Variants in HYCC2 observed in about 807,000 individuals in gnomAD.
The protein encoded by HYCC2 is hyccin PI4KA lipid kinase complex subunit 2.
chr2:200,981,938 C>T, the HYCC2 span: 1 of 1,510,128 alleles, frequency 6.6e-7, no homozygotes, highest in South Asian at 1.3e-5. The surrounding 1 kb of genome is among the most constrained non-coding windows in gnomAD (Gnocchi z 4.5). Flanking sequence ...TGAATAACAA[C>T]ACTGACCTTA....
chr2:200,998,724 G>T, the HYCC2 span, among the ~76,000 whole-genome samples: 3 of 152,284 alleles, frequency 2.0e-5, no homozygotes, highest in East Asian at 5.8e-4. Flanking sequence ...ACACTTCTAT[G>T]TCTTAACCCA....
chr2:201,012,461 AAAAC>A, the HYCC2 span, among the ~76,000 whole-genome samples: 15 of 152,130 alleles, frequency 9.9e-5, no homozygotes, highest in South Asian at 2.1e-4. Flanking sequence ...CCCTGTCTCA[AAAAC>A]AAACAAACAA....
At chr2:201,043,628 C>A in the HYCC2 span, among the ~76,000 whole-genome samples, 1 of 151,462 alleles carries the variant, frequency 6.6e-6, no homozygotes, top group Non-Finnish European at 1.5e-5. Flanking sequence ...CCTGCCTCAG[C>A]CTCCCGAGTA....
At chr2:201,032,949 G>A in the HYCC2 span, among the ~76,000 whole-genome samples, 2 of 151,656 alleles carry the variant, frequency 1.3e-5, no homozygotes, top group Non-Finnish European at 2.9e-5. Context: ...CATTTTAAAT[G>A]GTTTAAATCA....
the HYCC2 span, among the ~76,000 whole-genome samples, chr2:200,992,531 A>G: frequency 6.6e-6 from 1 of 152,258 alleles, no homozygotes; most frequent in African/African-American, 2.4e-5. Context: ...TTATAAAAAC[A>G]AAACAGATTT....
At chr2:201,036,122 C>A in the HYCC2 span, among the ~76,000 whole-genome samples, 1 of 152,170 alleles carries the variant, frequency 6.6e-6, no homozygotes, top group African/African-American at 2.4e-5. Flanking sequence ...CACCTCTACA[C>A]AAACAAACTA....
the HYCC2 span, among the ~76,000 whole-genome samples, chr2:200,989,235 C>G: frequency 2.0e-5 from 3 of 152,162 alleles, no homozygotes; most frequent in Non-Finnish European, 4.4e-5. Context: ...GTTAGTAACA[C>G]TAGAGTTACT....
the HYCC2 span, among the ~76,000 whole-genome samples, chr2:201,043,402 G>A: frequency 7.7e-6 from 1 of 129,638 alleles, no homozygotes; most frequent in South Asian, 2.4e-4. Flanking sequence ...CCTCCTCTCC[G>A]AGAAACACCC....
At chr2:201,003,421 C>T in the HYCC2 span, among the ~76,000 whole-genome samples, 1 of 152,088 alleles carries the variant, frequency 6.6e-6, no homozygotes, top group East Asian at 1.9e-4. Context: ...GGGGTGAAGG[C>T]TGCAGTGAGC....
At chr2:200,997,208 T>C in the HYCC2 span, 2 of 338,968 alleles carry the variant, frequency 5.9e-6, no homozygotes, top group Non-Finnish European at 1.1e-5. Context: ...TGAGCTATGA[T>C]TGAGCCACTG....
At chr2:200,992,277 T>C in the HYCC2 span, 1 of 1,558,198 alleles carries the variant, frequency 6.4e-7, no homozygotes. Context: ...AGATAATAAC[T>C]TACCAATAGT....
chr2:201,015,047 C>T, the HYCC2 span, among the ~76,000 whole-genome samples: 7 of 152,004 alleles, frequency 4.6e-5, no homozygotes, highest in Non-Finnish European at 1.0e-4. Flanking sequence ...ATTGCTACCC[C>T]ACTCAACGAC....
At chr2:201,020,574 G>C in the HYCC2 span, among the ~76,000 whole-genome samples, 12 of 152,130 alleles carry the variant, frequency 7.9e-5, no homozygotes, top group Admixed American at 7.9e-4. Context: ...AAGAAAAAAA[G>C]ATCAGTGATG....
chr2:201,038,880 A>T, the HYCC2 span, among the ~76,000 whole-genome samples: 1 of 152,140 alleles, frequency 6.6e-6, no homozygotes, highest in Non-Finnish European at 1.5e-5. Flanking sequence ...TGTACTCTAA[A>T]ACTTAAAGTA....
the HYCC2 span, among the ~76,000 whole-genome samples, chr2:201,037,256 G>T: frequency 6.6e-6 from 1 of 152,190 alleles, no homozygotes; most frequent in Non-Finnish European, 1.5e-5. Flanking sequence ...ATAAAAAAAT[G>T]GAAGAACATT....
the HYCC2 span, among the ~76,000 whole-genome samples, chr2:201,052,912 G>A: frequency 6.6e-6 from 1 of 152,180 alleles, no homozygotes; most frequent in Non-Finnish European, 1.5e-5. Context: ...TCAGCACACT[G>A]TGTGTGTGAG....
chr2:201,055,056 G>A, the HYCC2 span, among the ~76,000 whole-genome samples: 1 of 152,138 alleles, frequency 6.6e-6, no homozygotes, highest in Non-Finnish European at 1.5e-5. Flanking sequence ...GAAATGCAGT[G>A]TCTGGATTTC....
the HYCC2 span, among the ~76,000 whole-genome samples, chr2:201,055,928 C>T: frequency 6.6e-6 from 1 of 152,144 alleles, no homozygotes; most frequent in African/African-American, 2.4e-5. Flanking sequence ...GTGGCTCACA[C>T]CTGTAATCCC....
At chr2:201,059,039 A>G in the HYCC2 span, among the ~76,000 whole-genome samples, 21 of 152,256 alleles carry the variant, frequency 1.4e-4, 1 homozygote, top group South Asian at 4.4e-3. Flanking sequence ...CCAGCCTTCA[A>G]ACTCAAACTG....
Sources: allele counts gnomAD v4.1 joint callset (sites outside exome capture counted in the v4.1 genomes callset), GRCh38; gene constraint gnomAD v4.1.1; non-coding constraint Gnocchi (gnomAD v3.1); transcripts MANE v1.5; gene names NCBI Gene and HGNC (gene_info 2026-07-23, HGNC 2026-07-21).